The following TBC1D4 variants were observed in gnomAD, a reference collection of about 807,000 sequenced individuals.
TBC1D4 encodes the protein TBC (Tre-2, BUB2, CDC16) domain-containing protein.
In TBC1D4, 121 loss-of-function variants were observed where a neutral mutation model predicts 142.5. That is an observed-to-expected ratio of 0.85 (90% CI 0.73 to 0.99). The LOEUF (loss-of-function observed/expected upper bound fraction) is 0.99. Ranked by LOEUF, TBC1D4 falls within the 50% of genes least tolerant of loss-of-function variation. TBC1D4 has a pLI of 0.00. For missense variants in TBC1D4, 1,475 were observed against 1,606.6 expected, an observed-to-expected ratio of 0.92 and a Z score of 1.40; for synonymous variants, 630 against 628.2, an observed-to-expected ratio of 1.00 and a Z score of -0.04.
chr13:75,449,875 G>A (rs751006419), intron 1 of TBC1D4, among the ~76,000 whole-genome samples: 16 of 152,030 alleles, frequency 1.1e-4, no homozygotes, highest in African/African-American at 1.9e-4. Flanking sequence ...ATGAGGCATC[G>A]TGCCCAGCCA....
intron 1 of TBC1D4, among the ~76,000 whole-genome samples, chr13:75,408,183 T>A (rs1442591150): frequency 6.6e-6 from 1 of 152,188 alleles, no homozygotes; most frequent in Non-Finnish European, 1.5e-5. Context: ...ATTCTGGACA[T>A]TTTATATAAA....
intron 1 of TBC1D4, among the ~76,000 whole-genome samples, chr13:75,454,467 C>T (rs1887649379): frequency 6.6e-6 from 1 of 152,104 alleles, no homozygotes; most frequent in African/African-American, 2.4e-5. Flanking sequence ...TAAATTCTTA[C>T]AAGATTTATC....
At chr13:75,293,289 A>G (rs1875535871) in intron 18 of TBC1D4, among the ~76,000 whole-genome samples, 1 of 152,220 alleles carries the variant, frequency 6.6e-6, no homozygotes, top group Non-Finnish European at 1.5e-5. Context: ...CCATAGAATC[A>G]TTATTTCATA....
chr13:75,360,999 T>G (rs1236854799), intron 2 of TBC1D4, among the ~76,000 whole-genome samples: 1 of 152,204 alleles, frequency 6.6e-6, no homozygotes, highest in Admixed American at 6.5e-5. Flanking sequence ...CACTCTTTTC[T>G]TTCCCCCCAA....
chr13:75,300,974 T>G (rs1876478018), intron 16 of TBC1D4, among the ~76,000 whole-genome samples: 1 of 152,194 alleles, frequency 6.6e-6, no homozygotes, highest in South Asian at 2.1e-4. Flanking sequence ...ATCCCCTTTT[T>G]AATTCCGCTG....
At chr13:75,481,138 G>A (rs1167253377) in intron 1 of TBC1D4, 132 bp downstream of exon 1, 5 of 1,368,364 alleles carry the variant, frequency 3.7e-6, no homozygotes, top group Non-Finnish European at 4.8e-6. Flanking sequence ...GCGCTTGAGC[G>A]CGCCACGTGG....
intron 1 of TBC1D4, among the ~76,000 whole-genome samples, chr13:75,391,972 T>C (rs1382969631): frequency 2.0e-5 from 3 of 152,188 alleles, no homozygotes; most frequent in Non-Finnish European, 4.4e-5. Flanking sequence ...CTCTCATTCT[T>C]TTTCCAGTCT....
chr13:75,399,107 C>T (rs890178659), intron 1 of TBC1D4, among the ~76,000 whole-genome samples: 6 of 151,972 alleles, frequency 3.9e-5, no homozygotes, highest in Admixed American at 6.6e-5. Context: ...TTTGGGAGGC[C>T]GAGGCAGGCG....
chr13:75,287,235 G>A (rs768590891), intron 20 of TBC1D4, among the ~76,000 whole-genome samples: 4 of 152,192 alleles, frequency 2.6e-5, no homozygotes, highest in South Asian at 2.1e-4. Context: ...CTGAACACAC[G>A]AATAATTCAA....
intron 1 of TBC1D4, among the ~76,000 whole-genome samples, chr13:75,471,736 CAAA>C (rs67975515): frequency 2.0e-4 from 27 of 137,388 alleles, no homozygotes; most frequent in Admixed American, 2.9e-4. Flanking sequence ...GAGACTGTCT[CAAA>C]AAAAAAAAAA....
chr13:75,466,130 T>C (rs1432231623), intron 1 of TBC1D4, among the ~76,000 whole-genome samples: 1 of 152,228 alleles, frequency 6.6e-6, no homozygotes, highest in Non-Finnish European at 1.5e-5. Context: ...AATAAATCTC[T>C]TCAAATACCT....
At chr13:75,416,740 C>A (rs529788913) in intron 1 of TBC1D4, among the ~76,000 whole-genome samples, 1 of 152,282 alleles carries the variant, frequency 6.6e-6, no homozygotes, top group South Asian at 2.1e-4. Context: ...AGTCTTCATT[C>A]GGTAAATACC....
At position 75,408,011 on chromosome 13, in the gene TBC1D4, C is replaced by T. The variant is rs191114228; in HGVS notation, c.499-45404G>A. On this transcript the variant is annotated intron_variant, in intron 1 of 20. Coordinates refer to ENST00000377636, the MANE Select transcript of TBC1D4 (RefSeq NM_014832.5). ...CATAGATTCACCTTTTCAAAGCATA[C>T]GGTCACTGCTTTTTAGCATATTTAC... is the stretch of plus-strand genomic sequence containing the variant. Among the ~76,000 whole-genome samples the T allele has an allele frequency of 2.6e-5, 4 of 152,254 alleles. No homozygotes were observed. The East Asian group carries it at 7.7e-4, about 29-fold the overall frequency.
Position 75,292,084 on chromosome 13 carries a change from T to C in TBC1D4, c.3486+18A>G. 6.3e-7 allele frequency: 1 copy of C among 1,595,098 alleles called. No homozygotes were observed. The highest frequency in any genetic ancestry group is 8.6e-7 in the Non-Finnish European group (1 of 1,165,334). ...TAGAGAAAACTGCTATATAATACTA[T>C]TAGCATTTAAATCATACCTGGGTAA... On this transcript the variant is annotated intron_variant, in intron 19 of 20. Coordinates refer to ENST00000377636, the MANE Select transcript of TBC1D4 (RefSeq NM_014832.5).
In TBC1D4 at chr13:75,481,289, CG is replaced by C; in HGVS notation, c.478del (p.Arg160AlafsTer15). 1 of 1,611,914 alleles carries C rather than the reference CG, an allele frequency of 6.2e-7. No homozygotes were observed. Among genetic ancestry groups the C allele is most frequent in the Non-Finnish European group, 8.5e-7 (1 of 1,178,798 alleles). Reference protein sequence around the residue: ...PESQMACHVFRATDPSQVPDV... With the variant: ...PESQMACHVFXATDPSQVPDV... ...TCTTGCCTGGCTGGGGTCTGTGGCG[CG>C]GAAAACGTGGCAGGCCATCTGCGAC... On this transcript the variant is annotated frameshift_variant, in exon 1 of 21. Transcript: ENST00000377636. LOFTEE classifies it high-confidence loss of function.
intron 20 of TBC1D4, 108 bp from the exon 21 acceptor site, chr13:75,287,133 G>T (rs1874769126): frequency 2.1e-6 from 2 of 935,908 alleles, no homozygotes; most frequent in African/African-American, 1.7e-5. Flanking sequence ...AATATTATGT[G>T]AAGCAAATAC....
chr13:75,341,326 G>C lies in TBC1D4; in HGVS notation c.1501-91C>G, dbSNP rs900170600. ...CAGACAAACGTAAATAAAGCTAAGAGTTTTAACTTCGCTCAGAAGCAAAAG... is the reference window on the plus strand; with the variant it reads ...CAGACAAACGTAAATAAAGCTAAGACTTTTAACTTCGCTCAGAAGCAAAAG... On this transcript the variant is annotated intron_variant, in intron 6 of 20. Coordinates refer to ENST00000377636, the MANE Select transcript of TBC1D4 (RefSeq NM_014832.5). 4.3e-6 allele frequency: 6 copies of C among 1,387,806 alleles called. No individual in the cohort carries two copies. In the African/African-American group the frequency reaches 8.5e-5, roughly 20 times the overall value. 86.0% of individuals were successfully genotyped at this position (1,387,806 alleles called of 1,614,324 possible).
At chr13:75,383,629 C>G (rs1883992160) in intron 1 of TBC1D4, among the ~76,000 whole-genome samples, 1 of 151,934 alleles carries the variant, frequency 6.6e-6, no homozygotes, top group South Asian at 2.1e-4. Flanking sequence ...TATAATTGTT[C>G]TGTCTTATTA....
intron 1 of TBC1D4, among the ~76,000 whole-genome samples, chr13:75,472,993 A>G (rs1888478579): frequency 6.6e-6 from 1 of 152,096 alleles, no homozygotes; most frequent in African/African-American, 2.4e-5. Context: ...CAATTTACTC[A>G]TTGATATTTA....
Sources: gnomAD v4.1 joint callset for allele counts (sites outside exome capture counted in the v4.1 genomes callset) on GRCh38, gnomAD v4.1.1 for gene constraint, MANE v1.5 for transcripts, NCBI Gene and HGNC (gene_info 2026-07-23, HGNC 2026-07-21) for gene names.